Variants in ZYG11B observed in about 807,000 individuals in gnomAD.
ZYG11B encodes the protein zyg-11 family member B, cell cycle regulator, also known as protein zyg-11 homolog B.
In ZYG11B, 36 loss-of-function variants were observed where a neutral mutation model predicts 82.4. The ratio of observed to expected loss-of-function variants is 0.44; its 90% confidence interval spans 0.33 to 0.58. The LOEUF (loss-of-function observed/expected upper bound fraction) is 0.58. ZYG11B is among the 20% of genes least tolerant of loss of function. The pLI is 0.02. For missense variants in ZYG11B, 552 were observed against 895.6 expected, an observed-to-expected ratio of 0.62 and a Z score of 4.90; for synonymous variants, 303 against 312.8, an observed-to-expected ratio of 0.97 and a Z score of 0.33.
intron 3 of ZYG11B, 114 bp from the exon 4 acceptor site, chr1:52,779,739 C>T (rs995970449): frequency 9.2e-5 from 121 of 1,311,212 alleles, no homozygotes; most frequent in Non-Finnish European, 1.2e-4. Context: ...ATCCACCCAC[C>T]TTGGCCTCCC....
intron 8 of ZYG11B, among the ~76,000 whole-genome samples, chr1:52,800,642 C>G (rs1339236226): frequency 2.0e-5 from 3 of 151,954 alleles, no homozygotes; most frequent in African/African-American, 7.3e-5. Flanking sequence ...AACGCCATCT[C>G]TACTAAAAAT....
At chr1:52,746,587 C>A (rs930854100) in intron 1 of ZYG11B, among the ~76,000 whole-genome samples, 1 of 150,760 alleles carries the variant, frequency 6.6e-6, no homozygotes, top group African/African-American at 2.4e-5. Flanking sequence ...TTTGAGAGGA[C>A]CAATCTGGGC....
chr1:52,766,339 G>A (rs451454), intron 2 of ZYG11B, among the ~76,000 whole-genome samples: 1 of 151,188 alleles, frequency 6.6e-6, no homozygotes, highest in African/African-American at 2.4e-5. Context: ...CAGGCTGGTC[G>A]CGAACTCCTG....
At chr1:52,765,317 C>G (rs1456477780) in intron 2 of ZYG11B, among the ~76,000 whole-genome samples, 1 of 152,064 alleles carries the variant, frequency 6.6e-6, no homozygotes, top group South Asian at 2.1e-4. Context: ...GTCCTCCTGC[C>G]TCAGCCTCCT....
intron 10 of ZYG11B, among the ~76,000 whole-genome samples, chr1:52,806,999 G>A (rs1333343420): frequency 1.3e-5 from 2 of 151,918 alleles, no homozygotes; most frequent in Non-Finnish European, 2.9e-5. Flanking sequence ...CTCCCCAGTA[G>A]CTGGGATTAC....
chr1:52,792,844 T>C (rs1048189272), intron 6 of ZYG11B, among the ~76,000 whole-genome samples: 45 of 152,160 alleles, frequency 3.0e-4, no homozygotes, highest in Non-Finnish European at 1.2e-4. Flanking sequence ...ATTTTATTTA[T>C]TTATTTATTT....
intron 10 of ZYG11B, among the ~76,000 whole-genome samples, chr1:52,803,638 G>A (rs943043046): frequency 1.3e-5 from 2 of 152,060 alleles, no homozygotes; most frequent in Non-Finnish European, 1.5e-5. Context: ...CTGTCACTCT[G>A]TTGCCCATTG....
intron 2 of ZYG11B, among the ~76,000 whole-genome samples, chr1:52,758,283 A>G (rs1308230423): frequency 1.3e-5 from 2 of 151,942 alleles, no homozygotes; most frequent in African/African-American, 2.4e-5. Flanking sequence ...GTCCACAGCT[A>G]TAGAATAGAA....
At chr1:52,734,584 A>G (rs943497153) in intron 1 of ZYG11B, among the ~76,000 whole-genome samples, 7 of 151,114 alleles carry the variant, frequency 4.6e-5, no homozygotes, top group African/African-American at 1.7e-4. Flanking sequence ...TGGGAGGCGG[A>G]GGTTGCAGTG....
chr1:52,785,132 A>G (rs1644902495), intron 5 of ZYG11B, 79 bp downstream of exon 5: 2 of 1,453,860 alleles, frequency 1.4e-6, no homozygotes, highest in African/African-American at 2.9e-5. Flanking sequence ...TTAATAGACC[A>G]AGGCTGGAAA....
chr1:52,797,428 T>A (rs1322617504), intron 8 of ZYG11B, among the ~76,000 whole-genome samples: 1 of 51,608 alleles, frequency 1.9e-5, no homozygotes, highest in African/African-American at 9.6e-5. Flanking sequence ...TTATACATAT[T>A]ATATATAACA....
intron 10 of ZYG11B, among the ~76,000 whole-genome samples, chr1:52,808,277 T>C (rs911039027): frequency 6.6e-6 from 1 of 151,912 alleles, no homozygotes; most frequent in African/African-American, 2.4e-5. Flanking sequence ...GACAGGAGAA[T>C]CGCTTGAACC....
intron 3 of ZYG11B, among the ~76,000 whole-genome samples, chr1:52,777,055 C>T (rs890584041): frequency 3.3e-5 from 5 of 151,672 alleles, no homozygotes; most frequent in Non-Finnish European, 7.4e-5. Context: ...ACTAAAAATA[C>T]AAAAATTAGC....
intron 1 of ZYG11B, among the ~76,000 whole-genome samples, chr1:52,755,204 G>T (rs942059501): frequency 1.3e-5 from 2 of 151,848 alleles, no homozygotes; most frequent in African/African-American, 4.8e-5. Context: ...CTCATGATCC[G>T]CCCACCTCGG....
chr1:52,803,225 C>T lies in ZYG11B; in HGVS notation c.1695+1086C>T, dbSNP rs1340011890. Among the ~76,000 whole-genome samples the T allele has an allele frequency of 2.6e-4, 15 of 56,740 alleles. 2 individuals carry two copies. The East Asian group carries it at 0.025, about 96-fold the overall frequency. The allele number at this position is 56,740 out of a possible 152,430, so 37.2% of individuals were successfully genotyped here. A position where few individuals can be genotyped will look rare whatever the true frequency, so the allele number is the denominator to read the frequency against. ...ATATACACACACATATATATATATA[C>T]ACACATATATATATACACACACACA... is the stretch of plus-strand genomic sequence containing the variant. On this transcript the variant is annotated intron_variant, in intron 10 of 13. Transcript: ENST00000294353.
intron 2 of ZYG11B, among the ~76,000 whole-genome samples, chr1:52,769,285 G>A (rs974970416): frequency 2.0e-4 from 30 of 151,942 alleles, no homozygotes; most frequent in Admixed American, 1.4e-3. Context: ...TTGTTTAATC[G>A]AAATGTAATT....
At chr1:52,789,958 A>T in intron 5 of ZYG11B, 45 bp from the exon 6 acceptor site, 1 of 1,392,406 alleles carries the variant, frequency 7.2e-7, no homozygotes, top group South Asian at 1.4e-5. Context: ...AAATATAACA[A>T]AGTGATATTT....
At chr1:52,767,198 TTTA>T (rs1259689470) in intron 2 of ZYG11B, among the ~76,000 whole-genome samples, 2 of 151,746 alleles carry the variant, frequency 1.3e-5, no homozygotes, top group African/African-American at 4.8e-5. Flanking sequence ...GTTATTTTAT[TTTA>T]TTTTGTTATT....
At chr1:52,775,239 C>T (rs1460488109) in intron 3 of ZYG11B, among the ~76,000 whole-genome samples, 1 of 152,160 alleles carries the variant, frequency 6.6e-6, no homozygotes, top group Middle Eastern at 3.2e-3. Flanking sequence ...ACTTAGAGCT[C>T]TCCCTTGAAG....
Sources: allele counts gnomAD v4.1 joint callset (sites outside exome capture counted in the v4.1 genomes callset), GRCh38; gene constraint gnomAD v4.1.1; transcripts MANE v1.5; gene names NCBI Gene and HGNC (gene_info 2026-07-23, HGNC 2026-07-21).